COL5A1: variants seen among roughly 807,000 people sequenced by gnomAD.
COL5A1 encodes collagen alpha-1(V) chain.
COL5A1 carries 16 observed loss-of-function variants against 263.7 expected under a neutral mutation model. That is an observed-to-expected ratio of 0.06 (90% CI 0.04 to 0.09). The LOEUF (loss-of-function observed/expected upper bound fraction) is 0.09, where lower values mean the gene tolerates loss of function less well. Ranked by LOEUF, COL5A1 falls within the 10% of genes least tolerant of loss-of-function variation. The pLI, the probability that COL5A1 is intolerant of heterozygous loss-of-function variation, is 1.00. For synonymous variants in COL5A1, 1,012 were observed against 1,004.5 expected, an observed-to-expected ratio of 1.01 and a Z score of -0.14; for missense variants, 2,036 against 2,540.5, an observed-to-expected ratio of 0.80 and a Z score of 4.27.
chr9:134,813,529 T>C (rs1436650167), intron 48 of COL5A1, among the ~76,000 whole-genome samples: 1 of 152,212 alleles, frequency 6.6e-6, no homozygotes, highest in African/African-American at 2.4e-5. Flanking sequence ...GTGTTTTCCT[T>C]GGTGTCCCCG....
At chr9:134,667,053 G>C (rs949394503) in intron 1 of COL5A1, among the ~76,000 whole-genome samples, 1 of 152,096 alleles carries the variant, frequency 6.6e-6, no homozygotes, top group Non-Finnish European at 1.5e-5. Context: ...TCAGTCATCG[G>C]GCATAATGAC....
At chr9:134,795,770 C>G (rs918786279) in intron 34 of COL5A1, among the ~76,000 whole-genome samples, 3 of 152,270 alleles carry the variant, frequency 2.0e-5, no homozygotes, top group African/African-American at 7.2e-5. Context: ...GGCATTGAAG[C>G]CACTCCTTGG....
intron 27 of COL5A1, among the ~76,000 whole-genome samples, chr9:134,778,579 C>T (rs571163932): frequency 2.0e-5 from 3 of 152,346 alleles, no homozygotes; most frequent in East Asian, 1.9e-4. Flanking sequence ...CCCTGTCCCC[C>T]CAAGGCGCTC....
At chr9:134,745,363 G>A (rs1835472554) in intron 11 of COL5A1, among the ~76,000 whole-genome samples, 1 of 152,200 alleles carries the variant, frequency 6.6e-6, no homozygotes, top group Non-Finnish European at 1.5e-5. Flanking sequence ...AGTGCACTAT[G>A]CTGTAGGACC....
At chr9:134,796,930 C>A (rs779727511) in intron 36 of COL5A1, 29 bp downstream of exon 36, 6 of 1,600,384 alleles carry the variant, frequency 3.7e-6, no homozygotes, top group Admixed American at 1.7e-5. Flanking sequence ...GCTGGGCCAG[C>A]ACTGCCTGTC....
Position 134,679,000 on chromosome 9 carries a change from C to T in COL5A1, c.110-11912C>T, listed in dbSNP as rs1304839522. Among the ~76,000 whole-genome samples, 3 of 152,176 alleles carry T rather than the reference C, an allele frequency of 2.0e-5. No individual in the cohort carries two copies. The highest frequency in any genetic ancestry group is 7.2e-5 in the African/African-American group (3 of 41,444). On this transcript the variant is annotated intron_variant, in intron 1 of 65. Transcript: ENST00000371817. The surrounding 1 kb of genome is among the most constrained non-coding windows in gnomAD (Gnocchi z 5.5). ...GTGTTGGGGTCACGTGGTATCTGCCCTCTGTTATCCGAGATGCCTTTCAGG... is the reference window on the plus strand; with the variant it reads ...GTGTTGGGGTCACGTGGTATCTGCCTTCTGTTATCCGAGATGCCTTTCAGG...
rs1252179289 is a variant in COL5A1 at position 134,841,175 on chromosome 9, G to A, written c.5371-982G>A. Among the ~76,000 whole-genome samples the A allele has an allele frequency of 6.6e-6, 1 of 152,222 alleles. No individual in the cohort carries two copies. The highest frequency in any genetic ancestry group is 1.9e-4 in the East Asian group (1 of 5,186). ...GAGATCCTTCCCAGGCCCAGATCCA[G>A]CTGCGACTGTAAATCCAGTCTGGGT... On this transcript the variant is annotated intron_variant, in intron 65 of 65. Transcript: ENST00000371817. This position sits in a 1 kb window ranked among gnomAD's most constrained non-coding sequence, Gnocchi z 4.8.
intron 1 of COL5A1, among the ~76,000 whole-genome samples, chr9:134,661,414 C>A (rs1832199841): frequency 6.6e-6 from 1 of 151,680 alleles, no homozygotes; most frequent in African/African-American, 2.4e-5. Context: ...GTACAGGAGC[C>A]TCCAGTCCTG....
At chr9:134,760,855 C>CACACGCATACACACATGCAG (rs1836389559) in intron 18 of COL5A1, among the ~76,000 whole-genome samples, 1 of 147,222 alleles carries the variant, frequency 6.8e-6, no homozygotes, top group African/African-American at 2.6e-5. Flanking sequence ...CACACATGCA[C>CACACGCATACACACATGCAG]ACCACCCACA....
intron 63 of COL5A1, among the ~76,000 whole-genome samples, chr9:134,827,491 G>T (rs374536734): frequency 2.0e-5 from 3 of 152,374 alleles, no homozygotes; most frequent in Admixed American, 1.3e-4. Flanking sequence ...GAGGCCCCGC[G>T]TGGAATTCCC....
intron 51 of COL5A1, 101 bp from the exon 52 acceptor site, chr9:134,815,834 G>T (rs539723706): frequency 6.9e-7 from 1 of 1,447,426 alleles, no homozygotes; most frequent in Admixed American, 1.7e-5. Context: ...CACCAGAATG[G>T]ATTTGGGTTT....
chr9:134,810,507 G>A (rs1452714767), intron 44 of COL5A1, 199 bp downstream of exon 44: 11 of 590,910 alleles, frequency 1.9e-5, no homozygotes, highest in Admixed American at 3.0e-5. Flanking sequence ...GAGTCTCTCT[G>A]TGTTAGAATG....
Position 134,642,070 on chromosome 9 carries a change from G to A in COL5A1, c.-118G>A, listed in dbSNP as rs1831305948. On this transcript the variant is annotated 5_prime_UTR_variant, in exon 1 of 66. The change abolishes an upstream ATG in the 5' untranslated region. Transcript: ENST00000371817. The surrounding 1 kb of genome is among the most constrained non-coding windows in gnomAD (Gnocchi z 4.5). ...GAACGGGGGGTGCCGAGGTCCCCAT[G>A]ACCTCCTAAAGTGGTGCGGTCCCTG... 1 of 887,878 alleles carries A rather than the reference G, an allele frequency of 1.1e-6. No homozygotes were observed. Among genetic ancestry groups the A allele is most frequent in the African/African-American group, 1.7e-5 (1 of 57,864 alleles). 55.0% of individuals were successfully genotyped at this position (887,878 alleles called of 1,614,324 possible).
intron 1 of COL5A1, among the ~76,000 whole-genome samples, chr9:134,679,641 G>T (rs1411376622): frequency 3.3e-5 from 4 of 122,600 alleles, no homozygotes; most frequent in African/African-American, 1.3e-4. Context: ...CTTCTTAGGG[G>T]GCACTGCGGG....
At chr9:134,828,142 G>T (rs910539623) in intron 63 of COL5A1, among the ~76,000 whole-genome samples, 1 of 152,170 alleles carries the variant, frequency 6.6e-6, no homozygotes, top group East Asian at 1.9e-4. Flanking sequence ...GCACCCTCAG[G>T]CAGCCGGGGC....
In COL5A1 at chr9:134,641,844, C is replaced by G. The variant is rs1453044802; in HGVS notation, c.-344C>G. 1.8e-5 allele frequency: 7 copies of G among 389,056 alleles called. No homozygotes were observed. Among genetic ancestry groups the G allele is most frequent in the Non-Finnish European group, 3.2e-5 (7 of 220,274 alleles). The allele number at this position is 389,056 out of a possible 1,614,324, so 24.1% of individuals were successfully genotyped here. A position where few individuals can be genotyped will look rare whatever the true frequency, so the allele number is the denominator to read the frequency against. On this transcript the variant is annotated 5_prime_UTR_variant, in exon 1 of 66. Coordinates refer to ENST00000371817, the MANE Select transcript of COL5A1 (RefSeq NM_000093.5). Reference sequence around the variant, plus strand: ...CCCGCGGCTGGCGCAGGACCTCACTCGAGCGGAGCGCCCACGGGGAGCGGG... The same window carrying G: ...CCCGCGGCTGGCGCAGGACCTCACTGGAGCGGAGCGCCCACGGGGAGCGGG...
intron 1 of COL5A1, among the ~76,000 whole-genome samples, chr9:134,660,536 A>C (rs1832170809): frequency 2.0e-5 from 3 of 152,242 alleles, no homozygotes; most frequent in Admixed American, 2.0e-4. Flanking sequence ...GTTCATGCTC[A>C]TGACATCAAA....
At chr9:134,671,347 G>A (rs776531877) in intron 1 of COL5A1, among the ~76,000 whole-genome samples, 4 of 152,168 alleles carry the variant, frequency 2.6e-5, no homozygotes, top group African/African-American at 7.2e-5. Flanking sequence ...CCTTTGTTGC[G>A]TCTCTGGGAT....
intron 1 of COL5A1, among the ~76,000 whole-genome samples, chr9:134,662,142 CAAAAAAAA>C (rs34491867): frequency 0.02 from 2,415 of 121,268 alleles, 41 homozygotes; most frequent in Non-Finnish European, 0.023. Flanking sequence ...ATATCTTGGC[CAAAAAAAA>C]AAAAAAAAAA....
Sources: gnomAD v4.1 joint callset for allele counts (sites outside exome capture counted in the v4.1 genomes callset) on GRCh38, gnomAD v4.1.1 for gene constraint, Gnocchi (gnomAD v3.1) non-coding constraint, MANE v1.5 for transcripts, NCBI Gene and HGNC (gene_info 2026-07-23, HGNC 2026-07-21) for gene names.